The following SRGAP1 variants were observed in gnomAD, a reference collection of about 807,000 sequenced individuals.
SRGAP1 encodes the protein SLIT-ROBO Rho GTPase-activating protein 1.
SRGAP1 carries 43 observed loss-of-function variants against 121.9 expected under a neutral mutation model. That is an observed-to-expected ratio of 0.35 (90% CI 0.28 to 0.46). The LOEUF is 0.46. SRGAP1 is among the 20% of genes least tolerant of loss of function. The probability of loss-of-function intolerance (pLI) is 1.00; values close to 1 mark genes in which losing one functional copy is unlikely to be tolerated. For synonymous variants in SRGAP1, 447 were observed against 485.4 expected (o/e 0.92, Z 1.04); for missense variants, 1,102 against 1,350.9 (o/e 0.82, Z 2.89).
intron 10 of SRGAP1, chr12:64,081,784 A>C (rs1338473210): frequency 6.6e-6 from 1 of 151,896 alleles, no homozygotes; most frequent in Non-Finnish European, 1.5e-5. Flanking sequence ...GGTTCTAAAA[A>C]AAAAAAGAGG....
At chr12:63,883,905 G>C (rs571055120) in intron 1 of SRGAP1, among the ~76,000 whole-genome samples, 11 of 150,540 alleles carry the variant, frequency 7.3e-5, no homozygotes, top group African/African-American at 2.4e-4. Flanking sequence ...TGATCCGCCC[G>C]TCTCGGCCTC....
chr12:64,100,331 T>G (rs2036234432), intron 15 of SRGAP1, among the ~76,000 whole-genome samples: 2 of 152,192 alleles, frequency 1.3e-5, no homozygotes, highest in South Asian at 4.1e-4. Context: ...CCCAGCACAT[T>G]AAATACCTTG....
Position 63,877,678 on chromosome 12 carries a change from T to C in SRGAP1, c.67+32795T>C, listed in dbSNP as rs1900071651. Among the ~76,000 whole-genome samples, 4 of 152,322 alleles carry C rather than the reference T, an allele frequency of 2.6e-5. 1 individual carries two copies. The South Asian group carries it at 8.3e-4, about 32-fold the overall frequency. ...AATTTGGGTATAAAACTTTATGTCT[T>C]GAGGCTAATTTAGATGTGTGGTGGT... is the stretch of plus-strand genomic sequence containing the variant. On this transcript the variant is annotated intron_variant, in intron 1 of 21. Transcript: ENST00000355086.
chr12:64,147,920 C>G lies in SRGAP1; in HGVS notation c.*5248C>G. ...TTCATCACTACTTTCTCCTTGACAG[C>G]TAGCTTGCATTAAATAATGTGAAAC... On this transcript the variant is annotated 3_prime_UTR_variant, in exon 22 of 22. Coordinates refer to ENST00000355086, the MANE Select transcript of SRGAP1 (RefSeq NM_020762.4). 2 of 371,192 alleles carry G rather than the reference C, an allele frequency of 5.4e-6. No individual in the cohort carries two copies. Among genetic ancestry groups the G allele is most frequent in the Non-Finnish European group, 9.5e-6 (2 of 209,682 alleles). The allele number at this position is 371,192 out of a possible 1,614,324, so 23.0% of individuals were successfully genotyped here. A position where few individuals can be genotyped will look rare whatever the true frequency, so the allele number is the denominator to read the frequency against.
rs1351291842 is a variant in SRGAP1, at chr12:64,156,588, CTAAAAGGAAATGATAA to C, written c.*13917_*13932del. ...ATTAGGGGTTTTGTTAGAGGCAAAG[CTAAAAGGAAATGATAA>C]AATAAATGAATATTTATAGAAGTTA... is the stretch of plus-strand genomic sequence containing the variant. On this transcript the variant is annotated 3_prime_UTR_variant, in exon 22 of 22. Coordinates refer to ENST00000355086, the MANE Select transcript of SRGAP1 (RefSeq NM_020762.4). 24 of 151,986 alleles carry C rather than the reference CTAAAAGGAAATGATAA, an allele frequency of 1.6e-4. No homozygotes were observed. Among genetic ancestry groups the C allele is most frequent in the Admixed American group, 1.5e-3 (23 of 15,250 alleles). 9.4% of individuals were successfully genotyped at this position (151,986 alleles called of 1,614,324 possible). A position where few individuals can be genotyped will look rare whatever the true frequency, so the allele number is the denominator to read the frequency against.
At chr12:63,874,329 G>A (rs565943590) in intron 1 of SRGAP1, among the ~76,000 whole-genome samples, 8 of 151,726 alleles carry the variant, frequency 5.3e-5, no homozygotes, top group Admixed American at 3.9e-4. Flanking sequence ...TCATCCTCCC[G>A]AGTAGCTGGG....
chr12:63,920,056 C>G (rs1434517088), intron 1 of SRGAP1, among the ~76,000 whole-genome samples: 1 of 152,178 alleles, frequency 6.6e-6, no homozygotes, highest in Non-Finnish European at 1.5e-5. Context: ...TGTCAGTGTT[C>G]AAGTTCACAT....
rs373706247 is a variant in SRGAP1 at position 64,079,165 on chromosome 12, T to C, written c.1323+49T>C. On this transcript the variant is annotated intron_variant, in intron 9 of 21. Coordinates refer to ENST00000355086, the MANE Select transcript of SRGAP1 (RefSeq NM_020762.4). ...ACTCTACAGAGCTCAGATCTAGGAT[T>C]CCCAAGTGCCACTTCTATAGTCACA... 4.2e-5 allele frequency: 67 copies of C among 1,602,426 alleles called. No homozygotes were observed. The African/African-American group carries it at 7.4e-4, about 18-fold the overall frequency.
At chr12:64,100,038 T>A (rs531647561) in intron 15 of SRGAP1, among the ~76,000 whole-genome samples, 1 of 152,314 alleles carries the variant, frequency 6.6e-6, no homozygotes, top group African/African-American at 2.4e-5. Context: ...TTTCTTCACC[T>A]ACTTCATAGA....
rs1053567623 is a variant in SRGAP1, at chr12:63,995,209, A to C, written c.426+5137A>C. 2.9e-4 allele frequency among the ~76,000 whole-genome samples: 44 copies of C among 152,162 alleles called. 1 individual carries two copies. The highest frequency in any genetic ancestry group is 4.8e-5 in the African/African-American group (2 of 41,434). ...TTTTTATCCTTCCTTGGTTTACATA[A>C]ATACATGTACAATATAATTCATCTT... On this transcript the variant is annotated intron_variant, in intron 3 of 21. Coordinates refer to ENST00000355086, the MANE Select transcript of SRGAP1 (RefSeq NM_020762.4).
intron 12 of SRGAP1, among the ~76,000 whole-genome samples, chr12:64,092,722 G>A (rs1365090536): frequency 1.3e-5 from 2 of 152,192 alleles, no homozygotes; most frequent in African/African-American, 2.4e-5. Flanking sequence ...AAATTATATG[G>A]AGAGAGAGGA....
chr12:63,921,696 C>T (rs2031052176), intron 1 of SRGAP1, among the ~76,000 whole-genome samples: 1 of 152,230 alleles, frequency 6.6e-6, no homozygotes, highest in Non-Finnish European at 1.5e-5. Context: ...TCAAGGATTG[C>T]TTAAGCCCAG....
intron 10 of SRGAP1, among the ~76,000 whole-genome samples, chr12:64,085,361 T>C (rs563734958): frequency 9.2e-4 from 140 of 152,296 alleles, no homozygotes; most frequent in Non-Finnish European, 1.5e-3. Flanking sequence ...CATACCTAAT[T>C]AGACTTAATG....
chr12:64,080,198 G>A lies in SRGAP1; in HGVS notation c.1324-88G>A, dbSNP rs985371300. 1.1e-4 allele frequency: 121 copies of A among 1,057,374 alleles called. No homozygotes were observed. The Admixed American group carries it at 2.2e-3, about 19-fold the overall frequency. The allele number at this position is 1,057,374 out of a possible 1,614,324, so 65.5% of individuals were successfully genotyped here. A position where few individuals can be genotyped will look rare whatever the true frequency, so the allele number is the denominator to read the frequency against. Reference sequence around the variant, plus strand: ...GAAGAGGTTGCAGTGAGCCAAGATCGCGCCACTGCACTCCAGCCTGGGTGA... The same window carrying A: ...GAAGAGGTTGCAGTGAGCCAAGATCACGCCACTGCACTCCAGCCTGGGTGA... On this transcript the variant is annotated intron_variant, in intron 9 of 21. Transcript: ENST00000355086.
intron 1 of SRGAP1, among the ~76,000 whole-genome samples, chr12:63,955,306 G>C (rs1291692923): frequency 1.3e-5 from 2 of 152,090 alleles, no homozygotes; most frequent in South Asian, 4.1e-4. Context: ...GTGACAGAGT[G>C]AGACTCTGCC....
At chr12:63,860,947 C>G (rs1217604033) in intron 1 of SRGAP1, among the ~76,000 whole-genome samples, 1 of 151,878 alleles carries the variant, frequency 6.6e-6, no homozygotes, top group African/African-American at 2.4e-5. Flanking sequence ...GTAATGCTCT[C>G]ACTTCAGCCT....
Position 63,844,862 on chromosome 12 carries a change from G to C in SRGAP1, c.46G>C (p.Glu16Gln). ...RFKKDKEIIAEYESQVKEIRA... is the reference protein window; with the variant it reads ...RFKKDKEIIAQYESQVKEIRA... ...CAAGAAGGACAAAGAGATCATAGCC[G>C]AGTATGAAAGTCAAGTCAAAGGTAA... Residue 16 changes from glutamate to glutamine, a missense_variant, in exon 1 of 22, where the codon GAG becomes CAG. By Grantham distance (29) the Glu-to-Gln change is conservative (BLOSUM62 2). This residue lies in a region of SRGAP1 where 747 missense variants were observed against 929.4 expected (regional missense o/e 0.80). Transcript: ENST00000355086. The surrounding 1 kb of genome is among the most constrained non-coding windows in gnomAD (Gnocchi z 4.3). The C allele has an allele frequency of 6.2e-7, 1 of 1,614,186 alleles. No homozygotes were observed. The highest frequency in any genetic ancestry group is 8.5e-7 in the Non-Finnish European group (1 of 1,180,036).
Position 64,154,632 on chromosome 12 carries a change from A to T in SRGAP1, c.*11960A>T, listed in dbSNP as rs1209622327. 6.6e-6 allele frequency: 1 copy of T among 152,242 alleles called. No homozygotes were observed. Among genetic ancestry groups the T allele is most frequent in the Non-Finnish European group, 1.5e-5 (1 of 68,050 alleles). 9.4% of individuals were successfully genotyped at this position (152,242 alleles called of 1,614,324 possible). A position where few individuals can be genotyped will look rare whatever the true frequency, so the allele number is the denominator to read the frequency against. ...GACTGGGGAAAGGAAGAAGTTGGCC[A>T]GGATGTACAACCAAGTATTCACGTT... On this transcript the variant is annotated 3_prime_UTR_variant, in exon 22 of 22. Coordinates refer to ENST00000355086, the MANE Select transcript of SRGAP1 (RefSeq NM_020762.4).
At chr12:64,048,814 T>C (rs2035183533) in intron 6 of SRGAP1, among the ~76,000 whole-genome samples, 1 of 152,006 alleles carries the variant, frequency 6.6e-6, no homozygotes, top group Non-Finnish European at 1.5e-5. Context: ...TTGAGATATC[T>C]CTATTTAGAT....
Sources: allele counts gnomAD v4.1 joint callset (sites outside exome capture counted in the v4.1 genomes callset), GRCh38; gene constraint gnomAD v4.1.1; regional missense constraint gnomAD v4.1.1; non-coding constraint Gnocchi (gnomAD v3.1); transcripts MANE v1.5; gene names NCBI Gene and HGNC (gene_info 2026-07-23, HGNC 2026-07-21).